The following FGF14 variants were observed in gnomAD, a reference collection of about 807,000 sequenced individuals.
FGF14 encodes fibroblast growth factor homologous factor 4.
FGF14 carries 5 observed loss-of-function variants against 25.5 expected under a neutral mutation model. That is an observed-to-expected ratio of 0.20 (90% CI 0.10 to 0.41). The LOEUF (loss-of-function observed/expected upper bound fraction) is 0.41, where lower values mean the gene tolerates loss of function less well. Among genes scored for constraint, FGF14 ranks in the 10% least tolerant of loss-of-function variants. FGF14 has a pLI of 1.00. For missense variants in FGF14, 222 were observed against 320.1 expected, an observed-to-expected ratio of 0.69 and a Z score of 2.34; for synonymous variants, 138 against 118.3, an observed-to-expected ratio of 1.17 and a Z score of -1.08.
chr13:102,048,989 GA>G (rs879515030), intron 1 of FGF14, among the ~76,000 whole-genome samples: 2 of 151,818 alleles, frequency 1.3e-5, no homozygotes, highest in Non-Finnish European at 2.9e-5. Context: ...GATAATGGGA[GA>G]AAAAAGTTAG....
At chr13:102,045,021 T>G (rs2140019050) in intron 1 of FGF14, among the ~76,000 whole-genome samples, 2 of 152,284 alleles carry the variant, frequency 1.3e-5, no homozygotes, top group South Asian at 4.1e-4. Flanking sequence ...GTCTATAACC[T>G]CACTGACGTT....
intron 1 of FGF14, among the ~76,000 whole-genome samples, chr13:102,317,373 G>T (rs892356848): frequency 4.0e-5 from 6 of 151,758 alleles, no homozygotes; most frequent in Non-Finnish European, 8.8e-5. Flanking sequence ...GAAAAAAAAA[G>T]ATCCCCAAAA....
intron 1 of FGF14, among the ~76,000 whole-genome samples, chr13:101,912,918 T>G (rs9557756): frequency 6.6e-6 from 1 of 151,866 alleles, no homozygotes. Flanking sequence ...CTCTCAAGAT[T>G]TGAGAGCCTA....
At chr13:102,287,293 G>C (rs1434114878) in intron 1 of FGF14, among the ~76,000 whole-genome samples, 3 of 152,140 alleles carry the variant, frequency 2.0e-5, no homozygotes, top group Non-Finnish European at 4.4e-5. Context: ...TACTGCGTCT[G>C]GTGTAATACT....
intron 1 of FGF14, among the ~76,000 whole-genome samples, chr13:101,977,062 C>G (rs2037972162): frequency 6.6e-6 from 1 of 152,096 alleles, no homozygotes; most frequent in African/African-American, 2.4e-5. Flanking sequence ...TTTATAGAAG[C>G]ATAATTAACA....
At chr13:101,824,679 G>A (rs760547069) in intron 3 of FGF14, among the ~76,000 whole-genome samples, 27 of 152,064 alleles carry the variant, frequency 1.8e-4, no homozygotes, top group Non-Finnish European at 3.8e-4. Flanking sequence ...GATGACTGAT[G>A]GCTGAAACCT....
At chr13:102,178,569 C>A (rs1220418797) in intron 1 of FGF14, among the ~76,000 whole-genome samples, 3 of 152,070 alleles carry the variant, frequency 2.0e-5, no homozygotes, top group Middle Eastern at 3.4e-3. Flanking sequence ...GTTTCTAATG[C>A]CTATTATTCT....
chr13:102,273,097 A>G (rs1265487314), intron 1 of FGF14, among the ~76,000 whole-genome samples: 1 of 152,112 alleles, frequency 6.6e-6, no homozygotes, highest in Non-Finnish European at 1.5e-5. Flanking sequence ...AAAGGCAAAG[A>G]CTTTTCCTCT....
At chr13:101,813,812 A>G (rs568717928) in intron 3 of FGF14, among the ~76,000 whole-genome samples, 1 of 152,348 alleles carries the variant, frequency 6.6e-6, no homozygotes, top group African/African-American at 2.4e-5. Context: ...CTTCTTCAGA[A>G]CACTCTGTTC....
intron 1 of FGF14, among the ~76,000 whole-genome samples, chr13:101,883,768 GA>G (rs1310414385): frequency 1.3e-5 from 2 of 151,960 alleles, no homozygotes; most frequent in Non-Finnish European, 1.5e-5. Context: ...TCACTTTAAA[GA>G]TAAGAAAATG....
intron 1 of FGF14, among the ~76,000 whole-genome samples, chr13:101,897,094 GAT>G (rs2030806176): frequency 6.6e-6 from 1 of 152,036 alleles, no homozygotes; most frequent in Non-Finnish European, 1.5e-5. Flanking sequence ...GGTATGCTAG[GAT>G]ATATATTATT....
At chr13:102,337,170 A>T (rs2056812402) in intron 1 of FGF14, among the ~76,000 whole-genome samples, 2 of 152,240 alleles carry the variant, frequency 1.3e-5, no homozygotes, top group Non-Finnish European at 2.9e-5. Flanking sequence ...AAATACATTA[A>T]AAACATCTGG....
chr13:102,275,234 TTC>T (rs938286146), intron 1 of FGF14, among the ~76,000 whole-genome samples: 32 of 67,392 alleles, frequency 4.7e-4, no homozygotes, highest in Non-Finnish European at 4.9e-4. Flanking sequence ...TTAGGCAGAT[TTC>T]TCTCTCTCTC....
intron 1 of FGF14, among the ~76,000 whole-genome samples, chr13:102,286,671 G>C (rs1172162844): frequency 1.3e-5 from 2 of 152,070 alleles, no homozygotes; most frequent in East Asian, 3.9e-4. Flanking sequence ...TGCTCAATAA[G>C]TCCATACTGA....
At chr13:101,958,258 G>T (rs1382616748) in intron 1 of FGF14, among the ~76,000 whole-genome samples, 1 of 152,220 alleles carries the variant, frequency 6.6e-6, no homozygotes, top group Non-Finnish European at 1.5e-5. Flanking sequence ...TGCTCTGAAT[G>T]ACCTTGGACA....
At chr13:102,174,526 A>G (rs1408245078) in intron 1 of FGF14, among the ~76,000 whole-genome samples, 1 of 151,898 alleles carries the variant, frequency 6.6e-6, no homozygotes, top group Non-Finnish European at 1.5e-5. Flanking sequence ...ACTCAATTCC[A>G]TTTACAATAG....
intron 1 of FGF14, among the ~76,000 whole-genome samples, chr13:102,076,075 C>T (rs1335495206): frequency 1.3e-5 from 2 of 151,796 alleles, no homozygotes; most frequent in Non-Finnish European, 2.9e-5. Context: ...AAGGTTAATT[C>T]GTTATTAAAG....
chr13:102,122,937 A>C (rs1298443992), intron 1 of FGF14, among the ~76,000 whole-genome samples: 1 of 152,190 alleles, frequency 6.6e-6, no homozygotes, highest in African/African-American at 2.4e-5. Flanking sequence ...GTTTGATCTC[A>C]AGTTGCCTTA....
intron 1 of FGF14, among the ~76,000 whole-genome samples, chr13:102,245,070 C>A (rs1019184837): frequency 2.6e-5 from 4 of 152,110 alleles, no homozygotes; most frequent in African/African-American, 9.7e-5. Context: ...ATCACATCTT[C>A]TTTTCAGAAA....
Sources: allele counts gnomAD v4.1 joint callset (sites outside exome capture counted in the v4.1 genomes callset), GRCh38; gene constraint gnomAD v4.1.1; transcripts MANE v1.5; gene names NCBI Gene and HGNC (gene_info 2026-07-23, HGNC 2026-07-21).